LPP: variants seen among roughly 807,000 people sequenced by gnomAD.
LPP encodes lipoma-preferred partner.
In LPP, 38 loss-of-function variants were observed where a neutral mutation model predicts 60.4. The ratio of observed to expected loss-of-function variants is 0.63; its 90% CI spans 0.49 to 0.83. The LOEUF is 0.83. LPP is among the 40% of genes least tolerant of loss of function. LPP has a pLI of 0.00. For synonymous variants in LPP, 328 were observed against 290.8 expected, an observed-to-expected ratio of 1.13 and a Z score of -1.30; for missense variants, 902 against 783.6, an observed-to-expected ratio of 1.15 and a Z score of -1.80.
At chr3:188,786,515 G>T (rs1226154552) in intron 9 of LPP, among the ~76,000 whole-genome samples, 3 of 151,726 alleles carry the variant, frequency 2.0e-5, no homozygotes, top group Non-Finnish European at 2.9e-5. Flanking sequence ...AAAGTTTTGG[G>T]AATTTCTTCT....
At chr3:188,237,643 G>T (rs1722381816) in intron 2 of LPP, among the ~76,000 whole-genome samples, 1 of 151,898 alleles carries the variant, frequency 6.6e-6, no homozygotes. Flanking sequence ...GGTATGAGAA[G>T]AAATATTTTG....
chr3:188,228,164 A>G (rs1718509629), intron 2 of LPP, among the ~76,000 whole-genome samples: 1 of 152,232 alleles, frequency 6.6e-6, no homozygotes, highest in South Asian at 2.1e-4. Context: ...ACCAGGAATG[A>G]TGGCCAACCA....
intron 6 of LPP, among the ~76,000 whole-genome samples, chr3:188,538,320 G>A (rs1167391891): frequency 6.6e-6 from 1 of 152,084 alleles, no homozygotes; most frequent in Non-Finnish European, 1.5e-5. Flanking sequence ...GCTTATATCT[G>A]GAATATATTA....
chr3:188,346,802 G>A (rs1764521507), intron 3 of LPP, among the ~76,000 whole-genome samples: 1 of 152,174 alleles, frequency 6.6e-6, no homozygotes, highest in African/African-American at 2.4e-5. Context: ...GGAAGTATGA[G>A]ATGACATTTG....
rs1439314832 is a variant in LPP at position 188,407,748 on chromosome 3, T to A, written c.193+1435T>A. Among the ~76,000 whole-genome samples, 3 of 151,518 alleles carry A rather than the reference T, an allele frequency of 2.0e-5. No individual in the cohort carries two copies. In the East Asian group the frequency reaches 5.8e-4, roughly 29 times the overall value. The stretch of plus-strand genomic sequence containing the variant: ...CTTCATAGGGACAGGAGGAGCCATA[T>A]GTTGGCTTCCTCATTTATGGTTTTT... On this transcript the variant is annotated intron_variant, in intron 4 of 11. Transcript: ENST00000617246.
intron 7 of LPP, among the ~76,000 whole-genome samples, chr3:188,681,045 G>A (rs557974716): frequency 5.9e-4 from 86 of 146,236 alleles, no homozygotes; most frequent in South Asian, 5.4e-3. Context: ...TCACCAGGCT[G>A]GAGTGCAGTG....
Position 188,860,373 on chromosome 3 carries a change from T to C in LPP, c.1411-5827T>C, listed in dbSNP as rs372580413. ...TTACTGTACCACATTACCATTCTGT[T>C]GGGAACACCTACACTTGAGCTGTAC... is the stretch of plus-strand genomic sequence containing the variant. On this transcript the variant is annotated intron_variant, in intron 9 of 11. Transcript: ENST00000617246. Among the ~76,000 whole-genome samples the C allele has an allele frequency of 3.3e-5, 5 of 152,124 alleles. No individual in the cohort carries two copies. In the East Asian group the frequency reaches 9.6e-4, roughly 29 times the overall value.
intron 2 of LPP, among the ~76,000 whole-genome samples, chr3:188,257,926 G>C (rs1363650348): frequency 6.6e-6 from 1 of 152,208 alleles, no homozygotes; most frequent in Non-Finnish European, 1.5e-5. Flanking sequence ...TCCACCCAGT[G>C]CTGCTACAGC....
At chr3:188,475,341 G>A (rs1470586683) in intron 4 of LPP, among the ~76,000 whole-genome samples, 2 of 152,178 alleles carry the variant, frequency 1.3e-5, no homozygotes, top group African/African-American at 4.8e-5. Context: ...TTTGGCTTGA[G>A]TACATATACT....
intron 4 of LPP, among the ~76,000 whole-genome samples, chr3:188,411,370 G>T (rs1043805460): frequency 1.3e-5 from 2 of 152,044 alleles, no homozygotes; most frequent in Non-Finnish European, 2.9e-5. Flanking sequence ...ACTAAAGAAC[G>T]AAAGTAGACA....
At chr3:188,453,374 A>C (rs1797024721) in intron 4 of LPP, among the ~76,000 whole-genome samples, 1 of 151,592 alleles carries the variant, frequency 6.6e-6, no homozygotes, top group Admixed American at 6.6e-5. Context: ...TGGGGTTTCT[A>C]AACACTCTTC....
chr3:188,180,188 GTCCTTCGGCT>G (rs749465753), intron 1 of LPP: 1 of 154,342 alleles, frequency 6.5e-6, no homozygotes, highest in Admixed American at 6.5e-5. Flanking sequence ...GAAGGCATTT[GTCCTTCGGCT>G]TCCCAGCTGG....
At chr3:188,623,862 T>C (rs1033579750) in intron 7 of LPP, among the ~76,000 whole-genome samples, 1 of 152,194 alleles carries the variant, frequency 6.6e-6, no homozygotes, top group African/African-American at 2.4e-5. Context: ...ATCCTCCTAG[T>C]TGTTTCTCTA....
intron 9 of LPP, among the ~76,000 whole-genome samples, chr3:188,844,790 A>G (rs949070309): frequency 2.0e-5 from 3 of 152,212 alleles, no homozygotes; most frequent in African/African-American, 7.2e-5. Context: ...GGACTTTGGG[A>G]AAATCACTTA....
At chr3:188,339,281 T>C (rs908323367) in intron 2 of LPP, among the ~76,000 whole-genome samples, 5 of 152,174 alleles carry the variant, frequency 3.3e-5, no homozygotes, top group African/African-American at 1.2e-4. Flanking sequence ...TCCATTGCAT[T>C]ATGAAACACT....
chr3:188,815,334 T>C (rs930916298), intron 9 of LPP, among the ~76,000 whole-genome samples: 1 of 152,180 alleles, frequency 6.6e-6, no homozygotes, highest in Non-Finnish European at 1.5e-5. Flanking sequence ...ACTTTCTGGA[T>C]TTTAGATCTA....
At chr3:188,189,961 G>C (rs533081572) in intron 1 of LPP, among the ~76,000 whole-genome samples, 2 of 151,926 alleles carry the variant, frequency 1.3e-5, no homozygotes, top group African/African-American at 4.8e-5. Flanking sequence ...GAGCAGGCAC[G>C]TATTGGGTGC....
intron 1 of LPP, among the ~76,000 whole-genome samples, chr3:188,202,539 A>T (rs1159486617): frequency 6.6e-6 from 1 of 152,204 alleles, no homozygotes; most frequent in African/African-American, 2.4e-5. Context: ...GCTTTTAAAA[A>T]ATTGCCATTC....
At chr3:188,656,667 G>C (rs1853287103) in intron 7 of LPP, among the ~76,000 whole-genome samples, 1 of 152,150 alleles carries the variant, frequency 6.6e-6, no homozygotes, top group Non-Finnish European at 1.5e-5. Flanking sequence ...GGGAGTTCTT[G>C]CTCTTAACAT....
Sources: gnomAD v4.1 joint callset for allele counts (sites outside exome capture counted in the v4.1 genomes callset) on GRCh38, gnomAD v4.1.1 for gene constraint, MANE v1.5 for transcripts, NCBI Gene and HGNC (gene_info 2026-07-23, HGNC 2026-07-21) for gene names.